Variants in RPS6KC1 observed in about 807,000 individuals in gnomAD.
The protein encoded by RPS6KC1 is ribosomal protein S6 kinase C1, also known as inactive ribosomal protein S6 kinase delta-1.
Under a neutral mutation model 103.8 loss-of-function variants are expected in RPS6KC1, and 54 were observed. The ratio of observed to expected loss-of-function variants is 0.52; its 90% confidence interval spans 0.42 to 0.65. The LOEUF is 0.65. Among genes scored for constraint, RPS6KC1 ranks in the 30% least tolerant of loss-of-function variants. The pLI, the probability that RPS6KC1 is intolerant of heterozygous loss-of-function variation, is 0.00. For missense variants in RPS6KC1, 1,151 were observed against 1,253.8 expected (o/e 0.92, Z 1.24); for synonymous variants, 439 against 438.7 (o/e 1.00, Z -0.01).
At chr1:213,349,356 G>A in the RPS6KC1 span, among the ~76,000 whole-genome samples, 3 of 152,148 alleles carry the variant, frequency 2.0e-5, no homozygotes, top group Non-Finnish European at 4.4e-5. Context: ...CTGACGTGGG[G>A]GACGGTAATG....
chr1:213,494,983 T>C, the RPS6KC1 span, among the ~76,000 whole-genome samples: 1 of 150,682 alleles, frequency 6.6e-6, no homozygotes, highest in South Asian at 2.1e-4. Context: ...CTTAGCTACA[T>C]TAAATTTCAG....
the RPS6KC1 span, among the ~76,000 whole-genome samples, chr1:213,515,496 C>G: frequency 1.3e-5 from 2 of 152,134 alleles, no homozygotes; most frequent in East Asian, 1.9e-4. Context: ...AATCCTTTCC[C>G]CATTTCTTGT....
the RPS6KC1 span, chr1:213,841,479 C>T: frequency 6.6e-6 from 1 of 152,068 alleles, no homozygotes; most frequent in African/African-American, 2.4e-5. Flanking sequence ...AAACGTGAAG[C>T]GTTCTGACAG....
chr1:213,696,993 C>G, the RPS6KC1 span, among the ~76,000 whole-genome samples: 3 of 152,232 alleles, frequency 2.0e-5, 1 homozygote, highest in Admixed American at 1.3e-4. Flanking sequence ...ATACTTCTGA[C>G]CCACTGGCTA....
chr1:213,071,091 T>A lies in RPS6KC1; in HGVS notation c.141+50T>A, dbSNP rs753713450. 11 of 1,155,208 alleles carry A rather than the reference T, an allele frequency of 9.5e-6. No homozygotes were observed. The South Asian group carries it at 1.4e-4, about 15-fold the overall frequency. The allele number at this position is 1,155,208 out of a possible 1,614,324, so 71.6% of individuals were successfully genotyped here. ...TTTATGTATTTGATAAAAATTTAAC[T>A]AAATGCTTTTTTGAGGAAATTGCCT... On this transcript the variant is annotated intron_variant, in intron 2 of 14. Coordinates refer to ENST00000366960, the MANE Select transcript of RPS6KC1 (RefSeq NM_012424.6).
chr1:213,218,421 A>G (rs960302552), intron 8 of RPS6KC1, among the ~76,000 whole-genome samples: 4 of 152,216 alleles, frequency 2.6e-5, no homozygotes, highest in African/African-American at 9.7e-5. Flanking sequence ...GGAAGAATCA[A>G]TATTGTGAAA....
intron 8 of RPS6KC1, among the ~76,000 whole-genome samples, chr1:213,197,565 G>A (rs1248992983): frequency 4.6e-5 from 7 of 150,650 alleles, no homozygotes; most frequent in South Asian, 4.2e-4. Flanking sequence ...TGTATTTTTT[G>A]TAGTCGTTGC....
At chr1:213,319,828 A>G in the RPS6KC1 span, among the ~76,000 whole-genome samples, 1 of 152,170 alleles carries the variant, frequency 6.6e-6, no homozygotes, top group Non-Finnish European at 1.5e-5. Context: ...TTAAATCTGG[A>G]TTCTCCTGAT....
chr1:213,515,786 T>C, the RPS6KC1 span, among the ~76,000 whole-genome samples: 1 of 152,212 alleles, frequency 6.6e-6, no homozygotes, highest in Non-Finnish European at 1.5e-5. Flanking sequence ...GGTAGCTTGA[T>C]GGGGATAGCA....
intron 6 of RPS6KC1, among the ~76,000 whole-genome samples, chr1:213,136,178 A>G (rs2086250477): frequency 6.6e-6 from 1 of 152,142 alleles, no homozygotes; most frequent in Non-Finnish European, 1.5e-5. Flanking sequence ...TCATGGCATG[A>G]AAGGTAACCC....
intron 1 of RPS6KC1, among the ~76,000 whole-genome samples, chr1:213,070,732 A>T (rs530580061): frequency 6.6e-6 from 1 of 152,196 alleles, no homozygotes; most frequent in Non-Finnish European, 1.5e-5. Context: ...ATCTATTTAC[A>T]TATCTATTTC....
the RPS6KC1 span, among the ~76,000 whole-genome samples, chr1:213,546,884 ATT>A: frequency 2.4e-3 from 373 of 152,314 alleles, 2 homozygotes; most frequent in African/African-American, 8.8e-3. Context: ...CACTGGATCA[ATT>A]ATTTAGACCT....
chr1:213,814,894 T>C, the RPS6KC1 span, among the ~76,000 whole-genome samples: 10 of 152,166 alleles, frequency 6.6e-5, no homozygotes, highest in African/African-American at 2.2e-4. Context: ...TCTGCAAGAT[T>C]GAATGAGACA....
chr1:213,130,723 A>G (rs145422450), intron 6 of RPS6KC1, among the ~76,000 whole-genome samples: 23 of 152,270 alleles, frequency 1.5e-4, no homozygotes, highest in African/African-American at 5.5e-4. Flanking sequence ...TTTCAGTTTT[A>G]TAAAATGGTG....
chr1:213,246,794 G>A (rs2094461438), intron 12 of RPS6KC1, among the ~76,000 whole-genome samples: 1 of 151,852 alleles, frequency 6.6e-6, no homozygotes, highest in South Asian at 2.1e-4. Context: ...TGGGAGGATT[G>A]CTTGAGGCTG....
chr1:213,662,984 T>C, the RPS6KC1 span, among the ~76,000 whole-genome samples: 1 of 152,208 alleles, frequency 6.6e-6, no homozygotes, highest in East Asian at 1.9e-4. Context: ...AAGTAGCCTG[T>C]CCACCCTCGC....
the RPS6KC1 span, among the ~76,000 whole-genome samples, chr1:213,744,256 A>G: frequency 6.6e-6 from 1 of 152,174 alleles, no homozygotes; most frequent in African/African-American, 2.4e-5. Flanking sequence ...TTGTTTATCC[A>G]TGTAAACAAA....
the RPS6KC1 span, among the ~76,000 whole-genome samples, chr1:213,618,618 G>A: frequency 2.0e-5 from 3 of 152,150 alleles, no homozygotes; most frequent in African/African-American, 7.2e-5. Flanking sequence ...AATGAGTCAT[G>A]TGGCCTTTCC....
rs1310025103 is a variant in RPS6KC1 at position 213,241,943 on chromosome 1, A to T, written c.2467A>T (p.Ser823Cys). 6.2e-7 allele frequency: 1 copy of T among 1,614,058 alleles called. No individual in the cohort carries two copies. The highest frequency in any genetic ancestry group is 2.2e-5 in the East Asian group (1 of 44,880). ...NTEESLFRIC[S>C]PLSGANEYIA... ...AGAAGAAAGCTTATTCCGTATTTGT[A>T]GTCCACTCTCAGGTGCTAATGAATA... The change falls in exon 11 of 15, where the codon AGT becomes TGT. Residue 823 changes from serine (S) to cysteine (C), a missense_variant. Around this residue, in one of 3 missense-constraint regions of RPS6KC1, gnomAD observed 959 missense variants for 1,006.3 expected, o/e 0.95. Transcript: ENST00000366960.
Sources: allele counts gnomAD v4.1 joint callset (sites outside exome capture counted in the v4.1 genomes callset), GRCh38; gene constraint gnomAD v4.1.1; regional missense constraint gnomAD v4.1.1; transcripts MANE v1.5; gene names NCBI Gene and HGNC (gene_info 2026-07-23, HGNC 2026-07-21).